Variants in TAF5 observed in about 807,000 individuals in gnomAD.
TAF5 encodes the protein TATA-box binding protein associated factor 5.
Under a neutral mutation model 80.9 loss-of-function variants are expected in TAF5, and 20 were observed. The observed-to-expected ratio is 0.25, with a 90% CI of 0.17 to 0.36. The LOEUF is 0.36. Among genes scored for constraint, TAF5 ranks in the 10% least tolerant of loss-of-function variants. The probability of loss-of-function intolerance (pLI) is 1.00; values close to 1 mark genes in which losing one functional copy is unlikely to be tolerated. For missense variants in TAF5, 863 were observed against 1,029.4 expected (o/e 0.84, Z 2.21); for synonymous variants, 388 against 406.4 (o/e 0.95, Z 0.55).
intron 5 of TAF5, among the ~76,000 whole-genome samples, chr10:103,381,273 T>C (rs564561573): frequency 2.0e-5 from 3 of 149,074 alleles, no homozygotes; most frequent in South Asian, 2.1e-4. Context: ...ATTTTATTAT[T>C]ATTTTTTTTT....
intron 4 of TAF5, 50 bp downstream of exon 4, chr10:103,379,821 T>TTAA: frequency 6.2e-7 from 1 of 1,602,024 alleles, no homozygotes; most frequent in Non-Finnish European, 8.5e-7. Context: ...AGACAACATG[T>TTAA]TATATAGAGT....
At position 103,368,114 on chromosome 10, in the gene TAF5, A is replaced by G. The variant is rs1224533293; in HGVS notation, c.125A>G (p.Asn42Ser). The G allele has an allele frequency of 2.1e-6, 3 of 1,406,578 alleles. No homozygotes were observed. The highest frequency in any genetic ancestry group is 2.8e-6 in the Non-Finnish European group (3 of 1,081,998). 87.1% of individuals were successfully genotyped at this position (1,406,578 alleles called of 1,614,324 possible). A position where few individuals can be genotyped will look rare whatever the true frequency, so the allele number is the denominator to read the frequency against. ...AGEGSGGTTN[N>S]GPNGGGGNVA... ...GAGGGTAGCGGCGGCACTACCAACA[A>G]CGGCCCCAACGGCGGCGGCGGGAAC... is the stretch of plus-strand genomic sequence containing the variant. The change falls in exon 1 of 11, where the codon AAC becomes AGC. Residue 42 changes from asparagine to serine, a missense_variant. This residue lies in a region of TAF5 where 367 missense variants were observed against 335.5 expected (regional missense o/e 1.09). Coordinates refer to ENST00000369839, the MANE Select transcript of TAF5 (RefSeq NM_006951.5).
Position 103,368,148 on chromosome 10 carries a change from G to A in TAF5, c.159G>A (p.Ala53=). The change falls in exon 1 of 11, where the codon GCG becomes GCA. Residue 53 remains alanine (A), a synonymous_variant. Transcript: ENST00000369839. Reference sequence around the variant, plus strand: ...ACGGCGGCGGCGGGAACGTTGCGGCGTCGTCGTCCACTGGCGGGGATGGCG... The same window carrying A: ...ACGGCGGCGGCGGGAACGTTGCGGCATCGTCGTCCACTGGCGGGGATGGCG... ...GPNGGGGNVA[A]SSSTGGDGGT... The A allele has an allele frequency of 7.2e-7, 1 of 1,395,416 alleles. No homozygotes were observed. The highest frequency in any genetic ancestry group is 9.3e-7 in the Non-Finnish European group (1 of 1,074,944). The allele number at this position is 1,395,416 out of a possible 1,614,324, so 86.4% of individuals were successfully genotyped here.
chr10:103,379,625 A>G lies in TAF5; in HGVS notation c.1131A>G (p.Leu377=), dbSNP rs767144347. Residue 377 remains leucine (L), a synonymous_variant, in exon 4 of 11, where the codon TTA becomes TTG. Transcript: ENST00000369839. ...ANKSKVFFGL[L]KEPEIEVPLD... ...ACTTGTAGGTATTTTTTGGTTTATT[A>G]AAAGAACCAGAAATTGAGGTACCTT... is the stretch of plus-strand genomic sequence containing the variant. The G allele has an allele frequency of 3.3e-5, 53 of 1,583,010 alleles. No homozygotes were observed. Among genetic ancestry groups the G allele is most frequent in the Non-Finnish European group, 3.5e-5 (41 of 1,172,644 alleles).
chr10:103,385,290 T>G (rs770716364), intron 7 of TAF5, 36 bp from the exon 8 acceptor site: 1 of 1,578,970 alleles, frequency 6.3e-7, no homozygotes, highest in Non-Finnish European at 8.6e-7. Flanking sequence ...CAAAGGTTAC[T>G]CTGGGAGTCA....
intron 8 of TAF5, among the ~76,000 whole-genome samples, chr10:103,386,388 C>T (rs937523510): frequency 3.3e-5 from 5 of 151,970 alleles, no homozygotes; most frequent in Admixed American, 6.6e-5. Flanking sequence ...TGCAGTGAGC[C>T]GAGATTGCAC....
At chr10:103,368,790 C>T (rs2093352055) in intron 1 of TAF5, among the ~76,000 whole-genome samples, 1 of 152,170 alleles carries the variant, frequency 6.6e-6, no homozygotes, top group Non-Finnish European at 1.5e-5. Flanking sequence ...GGAAGGTGAG[C>T]GCGGAGAGGC....
Position 103,385,781 on chromosome 10 carries a change from C to T in TAF5, c.1829+291C>T, listed in dbSNP as rs187585437. On this transcript the variant is annotated intron_variant, in intron 8 of 10. Transcript: ENST00000369839. ...CTCTACTAAAAATACAAAAATTAGC[C>T]GGGCGTGGTGGTAGGCACCTGTAAT... Among the ~76,000 whole-genome samples, 498 of 151,326 alleles carry T rather than the reference C, an allele frequency of 3.3e-3. 2 individuals are homozygous for T. Among genetic ancestry groups the T allele is most frequent in the African/African-American group, 5.1e-3 (211 of 41,212 alleles).
In TAF5 at chr10:103,383,362, G is replaced by C. The variant is rs143265231; in HGVS notation, c.1659G>C (p.Pro553=). The change falls in exon 7 of 11, where the codon CCG becomes CCC. Residue 553 remains proline, a synonymous_variant. Coordinates refer to ENST00000369839, the MANE Select transcript of TAF5 (RefSeq NM_006951.5). ...CTGTCTACGGAGCCAGCTTCAGTCC[G>C]GATAGGTAAAATACAAACAATAAAA... ...SGPVYGASFS[P]DRNYLLSSSE... 199 of 1,586,358 alleles carry C rather than the reference G, an allele frequency of 1.3e-4. 2 individuals carry two copies. In the East Asian group the frequency reaches 4.1e-3, roughly 33 times the overall value.
chr10:103,368,194 G>T lies in TAF5; in HGVS notation c.205G>T (p.Ala69Ser). 7.2e-7 allele frequency: 1 copy of T among 1,397,382 alleles called. No individual in the cohort carries two copies. The allele number at this position is 1,397,382 out of a possible 1,614,324, so 86.6% of individuals were successfully genotyped here. Residue 69 changes from alanine to serine, a missense_variant, in exon 1 of 11, where the codon GCT becomes TCT. Ala to Ser is a moderately conservative substitution (Grantham distance 99). This residue lies in a region of TAF5 where 367 missense variants were observed against 335.5 expected (regional missense o/e 1.09). Coordinates refer to ENST00000369839, the MANE Select transcript of TAF5 (RefSeq NM_006951.5). ...TGGCGGGACCCCCAAGCCCACGGTG[G>T]CTGTCTCCGCCGCTGCCCCGGCGGG... is the stretch of plus-strand genomic sequence containing the variant. ...GDGGTPKPTV[A>S]VSAAAPAGAA... is the part of the protein sequence containing the mutation.
chr10:103,384,742 A>T (rs994993205), intron 7 of TAF5, among the ~76,000 whole-genome samples: 2 of 152,222 alleles, frequency 1.3e-5, no homozygotes. Flanking sequence ...TTGCCAGATG[A>T]TACATTTTTG....
intron 5 of TAF5, among the ~76,000 whole-genome samples, chr10:103,381,315 G>A (rs1411345286): frequency 1.3e-5 from 2 of 151,936 alleles, no homozygotes; most frequent in Non-Finnish European, 2.9e-5. Context: ...CGCCCAGGCT[G>A]GAGTGCAGTG....
At chr10:103,384,690 A>C (rs75788505) in intron 7 of TAF5, among the ~76,000 whole-genome samples, 367 of 152,344 alleles carry the variant, frequency 2.4e-3, no homozygotes, top group African/African-American at 7.7e-3. Context: ...TTTCATCATT[A>C]CGAAACTTTG....
At position 103,383,655 on chromosome 10, in the gene TAF5, C is replaced by T. The variant is rs1050822018; in HGVS notation, c.1664+288C>T. Among the ~76,000 whole-genome samples, 3 of 150,782 alleles carry T rather than the reference C, an allele frequency of 2.0e-5. No homozygotes were observed. The South Asian group carries it at 6.3e-4, about 32-fold the overall frequency. ...GTGCAATGGCGTGATCTTGGCTTAC[C>T]GCAACCTCCGCCTCCTGGGTTCAAG... is the stretch of plus-strand genomic sequence containing the variant. On this transcript the variant is annotated intron_variant, in intron 7 of 10. Transcript: ENST00000369839.
chr10:103,368,237 C>T lies in TAF5; in HGVS notation c.248C>T (p.Ala83Val). Residue 83 changes from alanine to valine, a missense_variant, in exon 1 of 11, where the codon GCC (alanine) becomes GTC (valine). Transcript: ENST00000369839. ...CCGGCGGGGGCGGCCCCGGTGCCCG[C>T]CGCTGCTCCGGACGCCGGCGCTCCG... ...AAPAGAAPVPAAAPDAGAPHD... is the reference protein window; with the variant it reads ...AAPAGAAPVPVAAPDAGAPHD... 6.8e-7 allele frequency: 1 copy of T among 1,478,144 alleles called. No individual in the cohort carries two copies. Among genetic ancestry groups the T allele is most frequent in the Non-Finnish European group, 9.0e-7 (1 of 1,116,676 alleles). The allele number at this position is 1,478,144 out of a possible 1,614,324, so 91.6% of individuals were successfully genotyped here. A position where few individuals can be genotyped will look rare whatever the true frequency, so the allele number is the denominator to read the frequency against.
Position 103,378,904 on chromosome 10 carries a change from C to T in TAF5, c.1113+354C>T, listed in dbSNP as rs2093375773. Among the ~76,000 whole-genome samples the T allele has an allele frequency of 6.6e-6, 1 of 152,150 alleles. No homozygotes were observed. Among genetic ancestry groups the T allele is most frequent in the Admixed American group, 6.5e-5 (1 of 15,278 alleles). Reference sequence around the variant, plus strand: ...CGAACTCCTGACCTCAGATGATCCACCCGACTCCGCCTCCCAAAGTGCTGG... The same window carrying T: ...CGAACTCCTGACCTCAGATGATCCATCCGACTCCGCCTCCCAAAGTGCTGG... On this transcript the variant is annotated intron_variant, in intron 3 of 10. Coordinates refer to ENST00000369839, the MANE Select transcript of TAF5 (RefSeq NM_006951.5). This position sits in a 1 kb window ranked among gnomAD's most constrained non-coding sequence, Gnocchi z 4.1.
At position 103,378,686 on chromosome 10, in the gene TAF5, T is replaced by C. The variant is rs2093375164; in HGVS notation, c.1113+136T>C. 3.8e-6 allele frequency: 4 copies of C among 1,054,136 alleles called. No homozygotes were observed. Among genetic ancestry groups the C allele is most frequent in the Non-Finnish European group, 5.4e-6 (4 of 747,060 alleles). 65.3% of individuals were successfully genotyped at this position (1,054,136 alleles called of 1,614,324 possible). A position where few individuals can be genotyped will look rare whatever the true frequency, so the allele number is the denominator to read the frequency against. The stretch of plus-strand genomic sequence containing the variant: ...CGTTTGTTTGTTTTGAGACGGAGTT[T>C]TGCTCTTGTCACCCAAGCTGGAGTG... On this transcript the variant is annotated intron_variant, in intron 3 of 10. Coordinates refer to ENST00000369839, the MANE Select transcript of TAF5 (RefSeq NM_006951.5). The surrounding 1 kb of genome is among the most constrained non-coding windows in gnomAD (Gnocchi z 4.1).
chr10:103,378,285 C>G lies in TAF5; in HGVS notation c.848C>G (p.Ser283Cys). 6.2e-7 allele frequency: 1 copy of G among 1,614,152 alleles called. No individual in the cohort carries two copies. Among genetic ancestry groups the G allele is most frequent in the South Asian group, 1.1e-5 (1 of 91,082 alleles). ...CYYQDDLRVLSSLTKKEHMKG... is the reference protein window; with the variant it reads ...CYYQDDLRVLCSLTKKEHMKG... ...TACCAGGATGACCTACGAGTATTATCTAGTCTTACCAAAAAGGAACACATG... is the reference window on the plus strand; with the variant it reads ...TACCAGGATGACCTACGAGTATTATGTAGTCTTACCAAAAAGGAACACATG... The change falls in exon 3 of 11, where the codon TCT becomes TGT. Residue 283 changes from serine (S) to cysteine (C), a missense_variant. This residue lies in a region of TAF5 where 128 missense variants were observed against 232.2 expected (regional missense o/e 0.55). Transcript: ENST00000369839. The surrounding 1 kb of genome is among the most constrained non-coding windows in gnomAD (Gnocchi z 4.1).
chr10:103,369,658 C>T (rs529262161), intron 1 of TAF5, among the ~76,000 whole-genome samples: 7 of 152,172 alleles, frequency 4.6e-5, no homozygotes, highest in Non-Finnish European at 1.0e-4. Context: ...CCACCGCACC[C>T]GGCTGAAATT....
Sources: gnomAD v4.1 joint callset for allele counts (sites outside exome capture counted in the v4.1 genomes callset) on GRCh38, gnomAD v4.1.1 for gene constraint, gnomAD v4.1.1 regional missense constraint, Gnocchi (gnomAD v3.1) non-coding constraint, MANE v1.5 for transcripts, NCBI Gene and HGNC (gene_info 2026-07-23, HGNC 2026-07-21) for gene names.